ANKAR: variants seen among roughly 807,000 people sequenced by gnomAD.
ANKAR encodes the protein ankyrin and armadillo repeat containing, also known as ankyrin and armadillo repeat-containing protein.
A neutral mutation model predicts 146.2 loss-of-function variants in ANKAR; 136 were observed. That is an observed-to-expected ratio of 0.93 (90% confidence interval 0.81 to 1.07). The LOEUF (loss-of-function observed/expected upper bound fraction) is 1.07. Among genes scored for constraint, ANKAR ranks in the 50% least tolerant of loss-of-function variants. ANKAR has a pLI of 0.00. For missense variants in ANKAR, 1,567 were observed against 1,679.9 expected (o/e 0.93, Z 1.18); for synonymous variants, 500 against 575.8 (o/e 0.87, Z 1.88).
rs114388332 is a variant in ANKAR at position 189,754,418 on chromosome 2, T to C, written c.*585-6680T>C. 3.8e-3 allele frequency: 5,226 copies of C among 1,378,840 alleles called. 133 individuals carry two copies. The African/African-American group carries it at 0.063, about 17-fold the overall frequency. 85.4% of individuals were successfully genotyped at this position (1,378,840 alleles called of 1,614,324 possible). On this transcript the variant is annotated intron_variant and NMD_transcript_variant, in intron 18 of 18. Transcript: ENST00000441800. ...AACGAAAAGATGCAAAGGAAATAAA[T>C]TGAAAATTACTAACAAAACAAAAAA...
At chr2:189,750,769 C>G, downstream of ANKAR, 1 of 716,518 alleles carries the variant, frequency 1.4e-6, no homozygotes, top group Non-Finnish European at 2.2e-6. Flanking sequence ...TTTAATTCAT[C>G]ATATGTGGTG....
At chr2:189,675,602 C>T (rs1313666092) in intron 1 of ANKAR, among the ~76,000 whole-genome samples, 1 of 152,168 alleles carries the variant, frequency 6.6e-6, no homozygotes, top group African/African-American at 2.4e-5. Context: ...CCCGACTTGG[C>T]CTCCCAAAGT....
downstream of ANKAR, chr2:189,762,738 G>T: frequency 2.0e-6 from 2 of 985,506 alleles, no homozygotes; most frequent in Non-Finnish European, 2.4e-6. Flanking sequence ...ACTAAAGACT[G>T]TCGACTGCCC....
intron 7 of ANKAR, 137 bp from the exon 8 acceptor site, chr2:189,704,886 A>ATT: frequency 2.9e-6 from 2 of 686,400 alleles, no homozygotes; most frequent in Non-Finnish European, 4.6e-6. Flanking sequence ...GGTTGTCTAA[A>ATT]TTTTTTTTTA....
Position 189,741,369 on chromosome 2 carries a change from C to G in ANKAR, c.3728C>G (p.Ser1243Cys). 1 of 1,608,658 alleles carries G rather than the reference C, an allele frequency of 6.2e-7. No individual in the cohort carries two copies. The highest frequency in any genetic ancestry group is 1.1e-5 in the South Asian group (1 of 90,144). Residue 1243 changes from serine to cysteine, a missense_variant, in exon 20 of 23, where the codon TCT becomes TGT. Transcript: ENST00000684021. ...AATTTAATAGCAAGCCTGGCTCATT[C>G]TAGAGCTGGTATCCCAGAAGCATTT... ...TGNLIASLAH[S>C]RAGIPEAFTT...
chr2:189,747,049 A>AT (rs1327246217), downstream of ANKAR: 1 of 154,664 alleles, frequency 6.5e-6, no homozygotes, highest in Non-Finnish European at 1.4e-5. Context: ...CTTAAGAAAC[A>AT]TTTTGGCTAG....
chr2:189,744,879 C>T (rs529302422), intron 22 of ANKAR, 91 bp downstream of exon 22: 86 of 1,010,094 alleles, frequency 8.5e-5, no homozygotes, highest in African/African-American at 1.8e-4. Flanking sequence ...AAATGTAGGC[C>T]GGGCACAGTG....
At chr2:189,699,100 C>T (rs571243200) in intron 7 of ANKAR, among the ~76,000 whole-genome samples, 19 of 152,270 alleles carry the variant, frequency 1.2e-4, no homozygotes, top group African/African-American at 4.6e-4. Flanking sequence ...CCCAGAAAAA[C>T]GCTTGGCCTT....
In ANKAR at chr2:189,728,402, G is replaced by C. The variant is rs1365015297; in HGVS notation, c.3013G>C (p.Ala1005Pro). ...FIINMLLSPS[A>P]KMQYVGGEAV... is the part of the protein sequence containing the mutation. ...AATAAATATGCTTTTGTCACCATCA[G>C]CTAAAATGCAGTATGTTGGTAAGTT... The change falls in exon 14 of 23, where the codon GCT (alanine) becomes CCT (proline). Residue 1005 changes from alanine (A) to proline (P), a missense_variant. By Grantham distance (27) the Ala-to-Pro change is conservative (BLOSUM62 -1). Transcript: ENST00000684021. 1 of 1,600,114 alleles carries C rather than the reference G, an allele frequency of 6.2e-7. No individual in the cohort carries two copies. The highest frequency in any genetic ancestry group is 8.5e-7 in the Non-Finnish European group (1 of 1,176,400).
In ANKAR at chr2:189,676,909, A is replaced by AAT; in HGVS notation, c.419_420insAT (p.Asp140GlufsTer9). On this transcript the variant is annotated frameshift_variant, in exon 2 of 23. Transcript: ENST00000684021. LOFTEE classifies it high-confidence loss of function. The stretch of plus-strand genomic sequence containing the variant: ...TGTCAATTACCTCCAGCTTATTATG[A>AAT]TACCAGAATTGGGCAAATTCTGATC... The AAT allele has an allele frequency of 6.2e-7, 1 of 1,614,156 alleles. No individual in the cohort carries two copies. Among genetic ancestry groups the AAT allele is most frequent in the Non-Finnish European group, 8.5e-7 (1 of 1,180,022 alleles).
chr2:189,763,052 T>A (rs1392154874), downstream of ANKAR: 1 of 985,166 alleles, frequency 1.0e-6, no homozygotes, highest in Non-Finnish European at 1.2e-6. Context: ...AAGAAATTTT[T>A]TTTTTGCCCT....
chr2:189,677,678 T>C (rs1038485232), intron 2 of ANKAR, among the ~76,000 whole-genome samples: 7 of 151,078 alleles, frequency 4.6e-5, no homozygotes, highest in Non-Finnish European at 8.8e-5. Context: ...TCTTTCTTTT[T>C]TTTTTTTTCT....
At chr2:189,695,286 C>A in intron 6 of ANKAR, 125 bp downstream of exon 6, 1 of 797,142 alleles carries the variant, frequency 1.3e-6, no homozygotes, top group East Asian at 2.8e-5. Flanking sequence ...AAATAAAATG[C>A]CACATTTTAG....
intron 18 of ANKAR, chr2:189,754,094 C>T (rs776133973): frequency 9.3e-6 from 15 of 1,611,540 alleles, no homozygotes. Context: ...TTTTTAGGCA[C>T]AATCCAGGAA....
At chr2:189,745,958 A>T (rs2044092540) in intron 22 of ANKAR, among the ~76,000 whole-genome samples, 1 of 152,244 alleles carries the variant, frequency 6.6e-6, no homozygotes, top group Non-Finnish European at 1.5e-5. Context: ...ACTGGTTTCT[A>T]AACAACAACC....
intron 2 of ANKAR, among the ~76,000 whole-genome samples, chr2:189,677,650 T>C (rs2033938599): frequency 6.6e-6 from 1 of 152,030 alleles, no homozygotes; most frequent in African/African-American, 2.4e-5. Flanking sequence ...TAGTATTTCA[T>C]GGTATATATA....
At position 189,692,377 on chromosome 2, in the gene ANKAR, A is replaced by T. The variant is rs997263434; in HGVS notation, c.1162A>T (p.Ile388Phe). The part of the protein sequence containing the change: ...FHVHGGIEFD[I>F]STPSIENALE... ...TGTTCATGGAGGAATTGAATTTGAT[A>T]TCAGCACCCCTTCAATTGAGAATGC... Residue 388 changes from isoleucine to phenylalanine, a missense_variant, in exon 4 of 23, where the codon ATC becomes TTC. By Grantham distance (21) the Ile-to-Phe change is conservative. Transcript: ENST00000684021. 6.2e-7 allele frequency: 1 copy of T among 1,613,032 alleles called. No homozygotes were observed. Among genetic ancestry groups the T allele is most frequent in the Admixed American group, 1.7e-5 (1 of 59,820 alleles).
Position 189,720,601 on chromosome 2 carries a change from T to C in ANKAR, c.2467-18T>C. On this transcript the variant is annotated intron_variant, in intron 11 of 22. Coordinates refer to ENST00000684021, the MANE Select transcript of ANKAR (RefSeq NM_001378068.1). Reference sequence around the variant, plus strand: ...ATCTTAAACAAATTCAAATGTAATTTTTTTTGTTTATTTTTAGAATGGAAT... The same window carrying C: ...ATCTTAAACAAATTCAAATGTAATTCTTTTTGTTTATTTTTAGAATGGAAT... 7.6e-7 allele frequency: 1 copy of C among 1,316,566 alleles called. No homozygotes were observed. Among genetic ancestry groups the C allele is most frequent in the Non-Finnish European group, 9.9e-7 (1 of 1,013,390 alleles). The allele number at this position is 1,316,566 out of a possible 1,614,324, so 81.6% of individuals were successfully genotyped here.
In ANKAR at chr2:189,676,749, A is replaced by G; in HGVS notation, c.259A>G (p.Thr87Ala). ...NVGFSTAILL[T>A]PVDPTALLDY... ...AGGCTTCTCCACTGCAATCCTACTG[A>G]CTCCCGTGGACCCTACTGCCCTCTT... Residue 87 changes from threonine to alanine, a missense_variant, in exon 2 of 23, where the codon ACT becomes GCT. Thr to Ala is a moderately conservative substitution (Grantham distance 58). Coordinates refer to ENST00000684021, the MANE Select transcript of ANKAR (RefSeq NM_001378068.1). 6.2e-7 allele frequency: 1 copy of G among 1,614,058 alleles called. No individual in the cohort carries two copies. The highest frequency in any genetic ancestry group is 8.5e-7 in the Non-Finnish European group (1 of 1,180,026).
Sources: allele counts gnomAD v4.1 joint callset (sites outside exome capture counted in the v4.1 genomes callset), GRCh38; gene constraint gnomAD v4.1.1; transcripts MANE v1.5; gene names NCBI Gene and HGNC (gene_info 2026-07-23, HGNC 2026-07-21).